TFEB: variants seen among roughly 807,000 people sequenced by gnomAD.
TFEB encodes transcription factor EB, also known as T-cell transcription factor EB.
TFEB carries 12 observed loss-of-function variants against 48.0 expected under a neutral mutation model. That is an observed-to-expected ratio of 0.25 (90% CI 0.16 to 0.40). TFEB has a LOEUF of 0.40. TFEB is among the 10% of genes least tolerant of loss of function. TFEB has a pLI of 1.00. For missense variants in TFEB, 509 were observed against 640.3 expected (o/e 0.79, Z 2.21); for synonymous variants, 244 against 261.4 (o/e 0.93, Z 0.64).
In TFEB at chr6:41,734,626, C is replaced by T. The variant is rs1003423482; in HGVS notation, c.-23+724G>A. ...AGCTGGGAACCCGGGGGGAGGCAGACAACGGGGCGCACGGAGGGAGCGCTC... is the reference window on the plus strand; with the variant it reads ...AGCTGGGAACCCGGGGGGAGGCAGATAACGGGGCGCACGGAGGGAGCGCTC... On this transcript the variant is annotated intron_variant, in intron 1 of 8. Transcript: ENST00000373033. The surrounding 1 kb of genome is among the most constrained non-coding windows in gnomAD (Gnocchi z 4.0). 1.2e-3 allele frequency among the ~76,000 whole-genome samples: 177 copies of T among 151,248 alleles called. No individual in the cohort carries two copies. The highest frequency in any genetic ancestry group is 2.1e-3 in the Non-Finnish European group (145 of 67,710).
intron 1 of TFEB, among the ~76,000 whole-genome samples, chr6:41,714,191 ATGCATGTGCG>A (rs1282765883): frequency 9.3e-5 from 14 of 149,790 alleles, no homozygotes; most frequent in African/African-American, 2.0e-4. Context: ...GTGCATGTGC[ATGCATGTGCG>A]TGCATGTGCG....
At chr6:41,697,503 A>AC (rs11414992) in intron 1 of TFEB, among the ~76,000 whole-genome samples, 78,163 of 128,316 alleles carry the variant, frequency 0.61, 24,089 homozygotes, top group African/African-American at 0.72. Flanking sequence ...CCTTCTCCAA[A>AC]CCCCCCCCCT....
In TFEB at chr6:41,724,760, G is replaced by A. The variant is rs1771135340; in HGVS notation, c.-23+10590C>T. Among the ~76,000 whole-genome samples, 1 of 152,210 alleles carries A rather than the reference G, an allele frequency of 6.6e-6. No homozygotes were observed. Among genetic ancestry groups the A allele is most frequent in the African/African-American group, 2.4e-5 (1 of 41,452 alleles). Reference sequence around the variant, plus strand: ...TTTGTCCTGGGCCCCAAGGCTCCCAGAGAACCCCTCATTTCTGCAGCCCTC... The same window carrying A: ...TTTGTCCTGGGCCCCAAGGCTCCCAAAGAACCCCTCATTTCTGCAGCCCTC... On this transcript the variant is annotated intron_variant, in intron 1 of 8. Coordinates refer to ENST00000373033, the MANE Select transcript of TFEB (RefSeq NM_001271944.2). This position sits in a 1 kb window ranked among gnomAD's most constrained non-coding sequence, Gnocchi z 4.4.
At chr6:41,709,056 G>A (rs1770364681) in intron 1 of TFEB, among the ~76,000 whole-genome samples, 1 of 152,208 alleles carries the variant, frequency 6.6e-6, no homozygotes, top group Non-Finnish European at 1.5e-5. Flanking sequence ...AATGCCAGTA[G>A]GACTAGAAGC....
At chr6:41,732,106 G>A (rs887539381) in intron 1 of TFEB, among the ~76,000 whole-genome samples, 4 of 151,970 alleles carry the variant, frequency 2.6e-5, no homozygotes, top group African/African-American at 4.8e-5. Context: ...GGCTGGTCTC[G>A]AACTCCTGAG....
Position 41,714,718 on chromosome 6 carries a change from C to A in TFEB, c.-23+20632G>T, listed in dbSNP as rs570568844. The stretch of plus-strand genomic sequence containing the variant: ...CGAGGGTGCGGGGAGACTGGGGCAG[C>A]GCTGGAAGCTCTACCCTTGAGTGGC... On this transcript the variant is annotated intron_variant, in intron 1 of 8. Transcript: ENST00000373033. Among the ~76,000 whole-genome samples the A allele has an allele frequency of 5.9e-5, 9 of 152,288 alleles. No individual in the cohort carries two copies. In the East Asian group the frequency reaches 1.7e-3, roughly 29 times the overall value.
chr6:41,736,016 T>C (rs1364834148), upstream of TFEB: 1 of 1,210,772 alleles, frequency 8.3e-7, no homozygotes, highest in African/African-American at 1.5e-5. Context: ...AGGACCTGGA[T>C]CTTGCACTTT....
chr6:41,708,696 A>G (rs193226060), intron 1 of TFEB, among the ~76,000 whole-genome samples: 191 of 152,318 alleles, frequency 1.3e-3, no homozygotes, highest in African/African-American at 4.5e-3. Flanking sequence ...GCCTCACCCA[A>G]TGGGCCCTGA....
chr6:41,734,303 C>A lies in TFEB; in HGVS notation c.-23+1047G>T. On this transcript the variant is annotated intron_variant, in intron 1 of 8. Coordinates refer to ENST00000373033, the MANE Select transcript of TFEB (RefSeq NM_001271944.2). The surrounding 1 kb of genome is among the most constrained non-coding windows in gnomAD (Gnocchi z 4.0). ...GACAAGCCCCGCCCCGGGCTCCCTCCCTTCCTCACCCGGGGCGCGGGGCTG... is the reference window on the plus strand; with the variant it reads ...GACAAGCCCCGCCCCGGGCTCCCTCACTTCCTCACCCGGGGCGCGGGGCTG... 1 of 979,352 alleles carries A rather than the reference C, an allele frequency of 1.0e-6. No homozygotes were observed. The highest frequency in any genetic ancestry group is 1.2e-6 in the Non-Finnish European group (1 of 824,696). 60.7% of individuals were successfully genotyped at this position (979,352 alleles called of 1,614,324 possible).
chr6:41,705,415 G>GC (rs1206432587), intron 1 of TFEB, among the ~76,000 whole-genome samples: 4 of 152,196 alleles, frequency 2.6e-5, no homozygotes, highest in Admixed American at 1.3e-4. Context: ...CCAGGTTGCT[G>GC]GGGGGTAATC....
intron 1 of TFEB, among the ~76,000 whole-genome samples, chr6:41,695,896 G>T (rs955712292): frequency 1.6e-4 from 24 of 152,226 alleles, no homozygotes; most frequent in Admixed American, 1.5e-3. Flanking sequence ...CCAAAGGTGG[G>T]TCGCCAAGGG....
Position 41,735,449 on chromosome 6 carries a change from C to T in TFEB, c.-122G>A. The T allele has an allele frequency of 4.1e-6, 4 of 985,018 alleles. No homozygotes were observed. Among genetic ancestry groups the T allele is most frequent in the Non-Finnish European group, 4.8e-6 (4 of 829,940 alleles). The allele number at this position is 985,018 out of a possible 1,614,324, so 61.0% of individuals were successfully genotyped here. A position where few individuals can be genotyped will look rare whatever the true frequency, so the allele number is the denominator to read the frequency against. ...GCCCGCAAGCTGTGCCCGCCACCTG[C>T]TCCCGGCCTGCTCCGGCCCCGTGCC... On this transcript the variant is annotated 5_prime_UTR_variant, in exon 1 of 9. Coordinates refer to ENST00000373033, the MANE Select transcript of TFEB (RefSeq NM_001271944.2).
rs1200300423 is a variant in TFEB at position 41,730,108 on chromosome 6, T to C, written c.-23+5242A>G. On this transcript the variant is annotated intron_variant, in intron 1 of 8. Transcript: ENST00000373033. The surrounding 1 kb of genome is among the most constrained non-coding windows in gnomAD (Gnocchi z 4.1). ...GAACCACTGCCCTAGAGAAAGGGCA[T>C]TGGAATCATCCCAGAAAAAAAAAAA... Among the ~76,000 whole-genome samples, 3 of 142,024 alleles carry C rather than the reference T, an allele frequency of 2.1e-5. No individual in the cohort carries two copies. The highest frequency in any genetic ancestry group is 5.0e-5 in the African/African-American group (2 of 39,790). The allele number at this position is 142,024 out of a possible 152,430, so 93.2% of individuals were successfully genotyped here.
At chr6:41,735,877 AC>A (rs1771659795), upstream of TFEB, among the ~76,000 whole-genome samples, 1 of 152,060 alleles carries the variant, frequency 6.6e-6, no homozygotes, top group South Asian at 2.1e-4. Context: ...AGCCTGTCCG[AC>A]CCCCTAAAAG....
At chr6:41,719,622 G>T (rs1031801490) in intron 1 of TFEB, among the ~76,000 whole-genome samples, 4 of 152,210 alleles carry the variant, frequency 2.6e-5, no homozygotes, top group African/African-American at 9.7e-5. Context: ...TGGCATGCAG[G>T]TCATGTGGCA....
chr6:41,713,371 G>T (rs1335977622), intron 1 of TFEB, among the ~76,000 whole-genome samples: 1 of 152,196 alleles, frequency 6.6e-6, no homozygotes, highest in Non-Finnish European at 1.5e-5. Context: ...CACTCAGCTG[G>T]TATCAGTGCT....
Position 41,691,460 on chromosome 6 carries a change from T to A in TFEB, c.-22-225A>T. On this transcript the variant is annotated intron_variant, in intron 1 of 8. Transcript: ENST00000373033. This position sits in a 1 kb window ranked among gnomAD's most constrained non-coding sequence, Gnocchi z 5.2. ...CTGGACCAAAACTGAAGGTTCTGTC[T>A]TCTTCACTCATTGCAGTTGGTAAAT... The A allele has an allele frequency of 1.4e-6, 1 of 708,320 alleles. No individual in the cohort carries two copies. Among genetic ancestry groups the A allele is most frequent in the African/African-American group, 1.8e-5 (1 of 56,986 alleles). 43.9% of individuals were successfully genotyped at this position (708,320 alleles called of 1,614,324 possible). A position where few individuals can be genotyped will look rare whatever the true frequency, so the allele number is the denominator to read the frequency against.
In TFEB at chr6:41,734,352, C is replaced by G. The variant is rs1771580787; in HGVS notation, c.-23+998G>C. On this transcript the variant is annotated intron_variant, in intron 1 of 8. Coordinates refer to ENST00000373033, the MANE Select transcript of TFEB (RefSeq NM_001271944.2). This position sits in a 1 kb window ranked among gnomAD's most constrained non-coding sequence, Gnocchi z 4.0. Reference sequence around the variant, plus strand: ...TGGGGCGCGCCAGGCGGCTGCGGCGCGAACCTGCTCGCGCAGCCCGGAGCA... The same window carrying G: ...TGGGGCGCGCCAGGCGGCTGCGGCGGGAACCTGCTCGCGCAGCCCGGAGCA... 1.0e-6 allele frequency: 1 copy of G among 984,772 alleles called. No homozygotes were observed. The highest frequency in any genetic ancestry group is 1.1e-4 in the East Asian group (1 of 8,724). 61.0% of individuals were successfully genotyped at this position (984,772 alleles called of 1,614,324 possible). A position where few individuals can be genotyped will look rare whatever the true frequency, so the allele number is the denominator to read the frequency against.
chr6:41,716,500 G>C (rs542757388), intron 1 of TFEB, among the ~76,000 whole-genome samples: 2 of 152,316 alleles, frequency 1.3e-5, no homozygotes, highest in South Asian at 2.1e-4. Flanking sequence ...ACAGGAGCTA[G>C]AGCTGGAAGG....
Sources: allele counts gnomAD v4.1 joint callset (sites outside exome capture counted in the v4.1 genomes callset), GRCh38; gene constraint gnomAD v4.1.1; non-coding constraint Gnocchi (gnomAD v3.1); transcripts MANE v1.5; gene names NCBI Gene and HGNC (gene_info 2026-07-23, HGNC 2026-07-21).